PMEPA1: variants seen among roughly 807,000 people sequenced by gnomAD.
PMEPA1 encodes the protein protein TMEPAI.
PMEPA1 carries 11 observed loss-of-function variants against 23.0 expected under a neutral mutation model. The ratio of observed to expected loss-of-function variants is 0.48; its 90% CI spans 0.30 to 0.79. The LOEUF is 0.79. Ranked by LOEUF, PMEPA1 falls within the 30% of genes least tolerant of loss-of-function variation. PMEPA1 has a pLI of 0.06. For missense variants in PMEPA1, 377 were observed against 390.9 expected (o/e 0.96, Z 0.30); for synonymous variants, 204 against 166.4 (o/e 1.23, Z -1.74).
At chr20:57,691,090 G>A (rs937065787) in intron 1 of PMEPA1, among the ~76,000 whole-genome samples, 2 of 152,188 alleles carry the variant, frequency 1.3e-5, no homozygotes, top group Admixed American at 1.3e-4. Flanking sequence ...TTTTCTGGCC[G>A]ATTTCCAGTC....
At chr20:57,659,249 G>T (rs2071372483) in intron 2 of PMEPA1, among the ~76,000 whole-genome samples, 2 of 152,164 alleles carry the variant, frequency 1.3e-5, no homozygotes, top group African/African-American at 4.8e-5. Flanking sequence ...CCTGCACAGA[G>T]CCTGCGACCC....
At chr20:57,691,607 T>C (rs2071882886) in intron 1 of PMEPA1, among the ~76,000 whole-genome samples, 1 of 152,108 alleles carries the variant, frequency 6.6e-6, no homozygotes, top group South Asian at 2.1e-4. Flanking sequence ...GGAGAACGTT[T>C]TCCCCCGAAG....
chr20:57,678,551 CCT>C (rs1217334873), intron 1 of PMEPA1, among the ~76,000 whole-genome samples: 3 of 152,174 alleles, frequency 2.0e-5, no homozygotes, highest in Non-Finnish European at 1.5e-5. Context: ...AAGCCGCTTC[CCT>C]CTCTCGCAGC....
intron 2 of PMEPA1, 28 bp from the exon 3 acceptor site, chr20:57,653,114 G>C: frequency 6.4e-7 from 1 of 1,556,242 alleles, no homozygotes; most frequent in Non-Finnish European, 8.7e-7. Context: ...TACAAGCAGG[G>C]TCAGTGGGGT....
chr20:57,700,146 CT>C (rs2146709692), intron 1 of PMEPA1: 1 of 471,612 alleles, frequency 2.1e-6, no homozygotes, highest in East Asian at 6.9e-5. Context: ...TCTTCCACTC[CT>C]GATGCTGATG....
At chr20:57,701,089 G>A (rs899774534) in intron 1 of PMEPA1, among the ~76,000 whole-genome samples, 1 of 151,540 alleles carries the variant, frequency 6.6e-6, no homozygotes, top group African/African-American at 2.4e-5. Context: ...AAGAAAATCA[G>A]ACTATAGTTC....
At chr20:57,666,888 C>T (rs1313746016) in intron 1 of PMEPA1, among the ~76,000 whole-genome samples, 2 of 152,264 alleles carry the variant, frequency 1.3e-5, no homozygotes, top group Admixed American at 1.3e-4. Context: ...CCCCGAGGGG[C>T]AGCATTGCCC....
At chr20:57,710,084 T>A (rs934814662), upstream of PMEPA1, 33 of 963,650 alleles carry the variant, frequency 3.4e-5, no homozygotes, top group Non-Finnish European at 4.1e-5. Flanking sequence ...GCTGCGCCAA[T>A]CCCCGCCGAG....
upstream of PMEPA1, chr20:57,710,226 C>T (rs1600683195): frequency 3.7e-6 from 2 of 535,724 alleles, no homozygotes; most frequent in Non-Finnish European, 6.0e-6. Flanking sequence ...TGTGCCCTCT[C>T]CCCAACGGCG....
chr20:57,702,377 G>A (rs1309451094), intron 1 of PMEPA1, among the ~76,000 whole-genome samples: 2 of 152,240 alleles, frequency 1.3e-5, no homozygotes, highest in East Asian at 1.9e-4. Flanking sequence ...TGGAGACAGA[G>A]ACACCAGCTC....
intron 1 of PMEPA1, among the ~76,000 whole-genome samples, chr20:57,681,299 T>C (rs1378397774): frequency 6.6e-6 from 1 of 152,116 alleles, no homozygotes; most frequent in African/African-American, 2.4e-5. Context: ...CCCCCGTCCC[T>C]CCAAACCTGC....
intron 1 of PMEPA1, among the ~76,000 whole-genome samples, chr20:57,674,200 G>T (rs1197084549): frequency 6.6e-6 from 1 of 152,170 alleles, no homozygotes; most frequent in African/African-American, 2.4e-5. Context: ...GGTCATAAAG[G>T]TGGGGGCCTG....
rs1421748561 is a variant in PMEPA1, at chr20:57,651,214, C to T, written c.*839G>A. On this transcript the variant is annotated 3_prime_UTR_variant, in exon 4 of 4. Coordinates refer to ENST00000341744, the MANE Select transcript of PMEPA1 (RefSeq NM_020182.5). The stretch of plus-strand genomic sequence containing the variant: ...GTCTCCTTCGGTAGGGAATATATAA[C>T]GTGGTGATAACCTGTCACTAGGCAG... The T allele has an allele frequency of 1.3e-5, 2 of 152,254 alleles. No homozygotes were observed. Among genetic ancestry groups the T allele is most frequent in the Admixed American group, 6.5e-5 (1 of 15,282 alleles). 9.4% of individuals were successfully genotyped at this position (152,254 alleles called of 1,614,324 possible).
At chr20:57,710,568 C>A (rs903622538), upstream of PMEPA1, 1 of 1,224,212 alleles carries the variant, frequency 8.2e-7, no homozygotes, top group Non-Finnish European at 1.1e-6. Context: ...GGAGGACGAC[C>A]AGGAAAGACG....
At chr20:57,664,029 C>T (rs549907396) in intron 1 of PMEPA1, among the ~76,000 whole-genome samples, 1 of 152,352 alleles carries the variant, frequency 6.6e-6, no homozygotes, top group South Asian at 2.1e-4. Context: ...GGTGCTGCTT[C>T]CAGGAGACGC....
intron 1 of PMEPA1, among the ~76,000 whole-genome samples, chr20:57,699,025 G>C (rs1257795798): frequency 2.0e-5 from 3 of 152,182 alleles, no homozygotes; most frequent in Admixed American, 1.3e-4. Flanking sequence ...TATAACTCAG[G>C]GGAATGAAGA....
In PMEPA1 at chr20:57,666,839, C is replaced by T. The variant is rs73182886; in HGVS notation, c.110-7142G>A. On this transcript the variant is annotated intron_variant, in intron 1 of 3. Transcript: ENST00000341744. The stretch of plus-strand genomic sequence containing the variant: ...TTCCTGTGTGCCAAGCCCCTCACCA[C>T]GAAAGACTTCACCCTGTCTCTGAGT... 1.4e-3 allele frequency among the ~76,000 whole-genome samples: 214 copies of T among 152,294 alleles called. 1 individual carries two copies. The highest frequency in any genetic ancestry group is 4.4e-3 in the South Asian group (21 of 4,820).
intron 1 of PMEPA1, among the ~76,000 whole-genome samples, chr20:57,677,020 C>T (rs2071646206): frequency 6.6e-6 from 1 of 152,246 alleles, no homozygotes; most frequent in South Asian, 2.1e-4. Flanking sequence ...TCCTCGCTCA[C>T]CATGCGCCAG....
chr20:57,662,159 C>T (rs1432949287), intron 1 of PMEPA1, among the ~76,000 whole-genome samples: 1 of 152,188 alleles, frequency 6.6e-6, no homozygotes, highest in Non-Finnish European at 1.5e-5. Flanking sequence ...TGTCTGGAGC[C>T]ATTTTTGGTT....
Sources: allele counts gnomAD v4.1 joint callset (sites outside exome capture counted in the v4.1 genomes callset), GRCh38; gene constraint gnomAD v4.1.1; transcripts MANE v1.5; gene names NCBI Gene and HGNC (gene_info 2026-07-23, HGNC 2026-07-21).